The following CAPN13 variants were observed in gnomAD, a reference collection of about 807,000 sequenced individuals.
The protein encoded by CAPN13 is calpain-13.
Under a neutral mutation model 98.4 loss-of-function variants are expected in CAPN13, and 90 were observed. That is an observed-to-expected ratio of 0.92 (90% CI 0.77 to 1.09). The LOEUF is 1.09. CAPN13 is among the 50% of genes least tolerant of loss of function. The probability of loss-of-function intolerance (pLI) is 0.00; values close to 1 mark genes in which losing one functional copy is unlikely to be tolerated. For missense variants in CAPN13, 887 were observed against 841.3 expected (o/e 1.05, Z -0.67); for synonymous variants, 330 against 305.5 (o/e 1.08, Z -0.84).
At chr2:30,773,517 A>C (rs1673519197) in intron 4 of CAPN13, among the ~76,000 whole-genome samples, 1 of 152,234 alleles carries the variant, frequency 6.6e-6, no homozygotes, top group African/African-American at 2.4e-5. Flanking sequence ...GAGATGAACA[A>C]AAATAGAACA....
intron 1 of CAPN13, chr2:30,806,207 C>A (rs932332689): frequency 6.6e-6 from 1 of 152,194 alleles, no homozygotes; most frequent in Non-Finnish European, 1.5e-5. Flanking sequence ...CCAGCTCTGT[C>A]ATTTGCATCT....
chr2:30,742,109 A>T, intron 14 of CAPN13, 145 bp from the exon 15 acceptor site: 4 of 976,112 alleles, frequency 4.1e-6, no homozygotes, highest in Non-Finnish European at 6.1e-6. Flanking sequence ...GGAATGAGAA[A>T]ACTGAAGTTT....
intron 7 of CAPN13, among the ~76,000 whole-genome samples, chr2:30,759,042 C>A (rs1672657112): frequency 5.7e-5 from 1 of 17,632 alleles, no homozygotes; most frequent in Non-Finnish European, 1.1e-4. Flanking sequence ...CTCCCTCCCT[C>A]CTTCCTTCCT....
At chr2:30,763,657 C>T (rs113944389) in intron 6 of CAPN13, among the ~76,000 whole-genome samples, 1 of 152,230 alleles carries the variant, frequency 6.6e-6, no homozygotes, top group African/African-American at 2.4e-5. Flanking sequence ...TTTGGAGGGT[C>T]ACCCAAGCTT....
chr2:30,805,028 C>T (rs753075565), intron 1 of CAPN13, among the ~76,000 whole-genome samples: 5 of 152,150 alleles, frequency 3.3e-5, no homozygotes, highest in Admixed American at 2.0e-4. Context: ...CTTTTTTACT[C>T]CAGCCAAGGA....
chr2:30,742,143 A>T (rs1201752916), intron 14 of CAPN13, among the ~76,000 whole-genome samples, 179 bp from the exon 15 acceptor site: 1 of 152,198 alleles, frequency 6.6e-6, no homozygotes, highest in Non-Finnish European at 1.5e-5. Flanking sequence ...GGCTGGGTTG[A>T]GCCTGGCCTT....
At chr2:30,738,146 G>T in intron 17 of CAPN13, 89 bp downstream of exon 17, 1 of 1,394,100 alleles carries the variant, frequency 7.2e-7, no homozygotes, top group Non-Finnish European at 1.0e-6. Context: ...AGTGGGAAAA[G>T]GGTTCCCTAC....
intron 15 of CAPN13, chr2:30,741,487 G>C (rs1671650164): frequency 2.9e-6 from 3 of 1,029,728 alleles, no homozygotes; most frequent in Non-Finnish European, 3.5e-6. Context: ...TGTGCACATA[G>C]GTGGTTTGGC....
chr2:30,738,503 ATC>A (rs1318316835), intron 15 of CAPN13, 46 bp from the exon 16 acceptor site: 11 of 1,553,274 alleles, frequency 7.1e-6, no homozygotes, highest in South Asian at 3.5e-5. Flanking sequence ...CAGTGCCAGG[ATC>A]TGAGAGGCAC....
Position 30,777,632 on chromosome 2 carries a change from G to A in CAPN13, c.206C>T (p.Pro69Leu). Residue 69 changes from proline to leucine, a missense_variant, in exon 3 of 23, where the codon CCA (proline) becomes CTA (leucine). By Grantham distance (98) the Pro-to-Leu change is moderately conservative. Transcript: ENST00000295055. ...NVIWKRPQDL[P>L]GGPPHFILDD... ...CAGGATGAAGTGAGGAGGACCCCCT[G>A]GTAGATCCTTTAGGAAAGAGGGAGA... 6.4e-7 allele frequency: 1 copy of A among 1,573,354 alleles called. No individual in the cohort carries two copies. The highest frequency in any genetic ancestry group is 1.2e-5 in the South Asian group (1 of 85,398).
intron 5 of CAPN13, among the ~76,000 whole-genome samples, chr2:30,765,100 G>T (rs1020475886): frequency 1.3e-5 from 2 of 152,168 alleles, no homozygotes; most frequent in Non-Finnish European, 2.9e-5. Context: ...CTGGGAGATG[G>T]GCAGGGCCAG....
Position 30,743,488 on chromosome 2 carries a change from A to G in CAPN13, c.1340T>C (p.Met447Thr). ...GTTCCCAGGGCTCAGATGGTAAGTC[A>G]TGGTGAAGTTGCGGCGGAATTTATT... ...SNNKFRRNFT[M>T]TYHLSPGNYV... is the part of the protein sequence containing the mutation. Residue 447 changes from methionine to threonine, a missense_variant, in exon 13 of 23, where the codon ATG becomes ACG. Transcript: ENST00000295055. 1.2e-6 allele frequency: 2 copies of G among 1,613,990 alleles called. No homozygotes were observed. Among genetic ancestry groups the G allele is most frequent in the Non-Finnish European group, 1.7e-6 (2 of 1,179,852 alleles).
chr2:30,804,770 GT>G (rs1346569924), intron 1 of CAPN13, among the ~76,000 whole-genome samples: 1 of 152,144 alleles, frequency 6.6e-6, no homozygotes, highest in Non-Finnish European at 1.5e-5. Flanking sequence ...CACCATGGAC[GT>G]TCTGAGAGAG....
chr2:30,793,205 T>C (rs1348371247), intron 1 of CAPN13, among the ~76,000 whole-genome samples: 2 of 151,804 alleles, frequency 1.3e-5, no homozygotes, highest in Non-Finnish European at 3.0e-5. Flanking sequence ...AGGTCCTATT[T>C]TGGTATTTTG....
chr2:30,805,383 C>T (rs1417292504), intron 1 of CAPN13, among the ~76,000 whole-genome samples: 1 of 152,110 alleles, frequency 6.6e-6, no homozygotes, highest in Admixed American at 6.5e-5. Context: ...TTTCTCTTCC[C>T]ATTTCCCACT....
intron 7 of CAPN13, among the ~76,000 whole-genome samples, chr2:30,759,054 CCCTCCCTCCCTCCCT>C (rs148016741): frequency 0.42 from 19,559 of 46,464 alleles, 2,169 homozygotes; most frequent in African/African-American, 0.47. Flanking sequence ...TTCCTTCCTT[CCCTCCCTCCCTCCCT>C]CCTCCCTCCC....
rs1156435345 is a variant in CAPN13, at chr2:30,738,331, A to AGTGGGGT, written c.1595-45_1595-39dup. ...GGACAGGAAGGACTGAAGTGTTGAC[A>AGTGGGGT]GTGGGGTGTGGGGTGGGGTTGCCAG... On this transcript the variant is annotated intron_variant, in intron 16 of 22. Coordinates refer to ENST00000295055, the MANE Select transcript of CAPN13 (RefSeq NM_144575.3). The AGTGGGGT allele has an allele frequency of 6.2e-6, 10 of 1,613,426 alleles. No homozygotes were observed. In the Admixed American group the frequency reaches 6.7e-5, roughly 11 times the overall value.
chr2:30,767,278 C>T (rs917038824), intron 5 of CAPN13, among the ~76,000 whole-genome samples: 1 of 152,172 alleles, frequency 6.6e-6, no homozygotes, highest in Non-Finnish European at 1.5e-5. Context: ...CATTTCAGAG[C>T]TTCCTTTTTT....
In CAPN13 at chr2:30,781,716, G is replaced by A. The variant is rs540408284; in HGVS notation, c.199-4077C>T. On this transcript the variant is annotated intron_variant, in intron 2 of 22. Transcript: ENST00000295055. The stretch of plus-strand genomic sequence containing the variant: ...CATCACTGGCTTTCCTGGGTCTCCA[G>A]ATTGCAGGTGGCATATTGTGGGACT... Among the ~76,000 whole-genome samples, 29 of 152,266 alleles carry A rather than the reference G, an allele frequency of 1.9e-4. 1 individual carries two copies. In the South Asian group the frequency reaches 6.0e-3, roughly 32 times the overall value.
Sources: allele counts gnomAD v4.1 joint callset (sites outside exome capture counted in the v4.1 genomes callset), GRCh38; gene constraint gnomAD v4.1.1; transcripts MANE v1.5; gene names NCBI Gene and HGNC (gene_info 2026-07-23, HGNC 2026-07-21).